The following FRMD4A variants were observed in gnomAD, a reference collection of about 807,000 sequenced individuals.
The protein encoded by FRMD4A is FERM domain containing 4A, also known as FERM domain-containing protein 4A.
FRMD4A carries 29 observed loss-of-function variants against 129.1 expected under a neutral mutation model. The observed-to-expected ratio is 0.22, with a 90% CI of 0.17 to 0.31. The LOEUF is 0.31. FRMD4A is among the 10% of genes least tolerant of loss of function. The pLI, the probability that FRMD4A is intolerant of heterozygous loss-of-function variation, is 1.00. For missense variants in FRMD4A, 1,272 were observed against 1,375.8 expected (o/e 0.92, Z 1.19); for synonymous variants, 634 against 571.6 (o/e 1.11, Z -1.56).
intron 2 of FRMD4A, among the ~76,000 whole-genome samples, chr10:14,080,953 G>A (rs967950065): frequency 2.2e-4 from 33 of 152,024 alleles, no homozygotes; most frequent in Admixed American, 1.6e-3. Context: ...TGGCTCAGAC[G>A]TTGATGGAAC....
intron 12 of FRMD4A, among the ~76,000 whole-genome samples, chr10:13,731,385 A>G (rs2090312727): frequency 6.6e-6 from 1 of 152,194 alleles, no homozygotes; most frequent in South Asian, 2.1e-4. Flanking sequence ...GCAGTGGCTC[A>G]CGCCTGTAAT....
intron 2 of FRMD4A, among the ~76,000 whole-genome samples, chr10:14,004,681 T>A (rs1255086824): frequency 6.6e-6 from 1 of 152,264 alleles, no homozygotes; most frequent in Non-Finnish European, 1.5e-5. Context: ...CTTGCATACA[T>A]TTTTGGTGAT....
At chr10:13,885,441 A>G (rs1056012865) in intron 2 of FRMD4A, among the ~76,000 whole-genome samples, 5 of 152,148 alleles carry the variant, frequency 3.3e-5, no homozygotes, top group African/African-American at 1.2e-4. Context: ...AGGTTGCACC[A>G]CACAGATCCA....
At position 13,663,485 on chromosome 10, in the gene FRMD4A, C is replaced by G; in HGVS notation, c.1628G>C (p.Ser543Thr). Residue 543 changes from serine to threonine, a missense_variant, in exon 19 of 25, where the codon AGC becomes ACC. Around this residue, in one of 2 missense-constraint regions of FRMD4A, gnomAD observed 972 missense variants for 892.3 expected, o/e 1.09. Coordinates refer to ENST00000357447, the MANE Select transcript of FRMD4A (RefSeq NM_018027.5). Reference protein sequence around the residue: ...IDDGNIASEDSSLSDALVLED... With the variant: ...IDDGNIASEDTSLSDALVLED... ...AAGAACAAGGGCATCTGAGAGGGAG[C>G]TGTCTTCACTGGCAATGTTTCCATC... is the stretch of plus-strand genomic sequence containing the variant. 6.4e-7 allele frequency: 1 copy of G among 1,558,536 alleles called. No homozygotes were observed. The highest frequency in any genetic ancestry group is 1.1e-5 in the South Asian group (1 of 89,956).
intron 2 of FRMD4A, among the ~76,000 whole-genome samples, chr10:13,981,154 C>T (rs1371363358): frequency 6.6e-6 from 1 of 152,082 alleles, no homozygotes; most frequent in Non-Finnish European, 1.5e-5. Flanking sequence ...TGTTCTTGAT[C>T]TGTATTTGAC....
At chr10:14,117,747 C>G (rs888521517) in intron 2 of FRMD4A, among the ~76,000 whole-genome samples, 12 of 152,150 alleles carry the variant, frequency 7.9e-5, no homozygotes, top group African/African-American at 2.9e-4. Context: ...TTCTTGTGTA[C>G]CTGTCACGTG....
intron 2 of FRMD4A, among the ~76,000 whole-genome samples, chr10:14,102,282 C>T (rs566489144): frequency 6.6e-6 from 1 of 152,132 alleles, no homozygotes; most frequent in Non-Finnish European, 1.5e-5. Context: ...ATCCCAGTAC[C>T]TCGGGAGGCC....
Position 14,111,711 on chromosome 10 carries a change from C to T in FRMD4A, c.45+218347G>A, listed in dbSNP as rs534329678. Among the ~76,000 whole-genome samples the T allele has an allele frequency of 3.3e-5, 5 of 151,992 alleles. No homozygotes were observed. The East Asian group carries it at 9.7e-4, about 30-fold the overall frequency. On this transcript the variant is annotated intron_variant, in intron 2 of 24. Transcript: ENST00000357447. ...TGTACCAAAAAGAATAAGCCATGATCCTGGCAGGGAGAAATCTTATTGAGA... is the reference window on the plus strand; with the variant it reads ...TGTACCAAAAAGAATAAGCCATGATTCTGGCAGGGAGAAATCTTATTGAGA...
intron 15 of FRMD4A, among the ~76,000 whole-genome samples, chr10:13,687,902 C>T (rs1227228261): frequency 6.6e-6 from 1 of 152,220 alleles, no homozygotes; most frequent in Non-Finnish European, 1.5e-5. Context: ...TCTTCCAACA[C>T]AGGCTTACAG....
chr10:14,178,614 C>A (rs1426411605), intron 2 of FRMD4A, among the ~76,000 whole-genome samples: 3 of 152,072 alleles, frequency 2.0e-5, no homozygotes, highest in African/African-American at 7.2e-5. Flanking sequence ...CAATAAATGT[C>A]CGTGAAGAAT....
chr10:13,972,198 G>A (rs949715607), intron 2 of FRMD4A: 14 of 1,018,206 alleles, frequency 1.4e-5, no homozygotes, highest in South Asian at 8.2e-5. Context: ...AAGCACCACC[G>A]AGTGTTGGGA....
chr10:14,060,366 C>G (rs1405692564), intron 2 of FRMD4A, among the ~76,000 whole-genome samples: 1 of 152,112 alleles, frequency 6.6e-6, no homozygotes, highest in Non-Finnish European at 1.5e-5. Context: ...TAGGGGATAT[C>G]AACTCTATGA....
chr10:13,820,422 C>T (rs1015824262), intron 3 of FRMD4A, among the ~76,000 whole-genome samples: 8 of 152,168 alleles, frequency 5.3e-5, no homozygotes, highest in East Asian at 3.9e-4. Context: ...TGGTCTCAGC[C>T]GACCTTGGGT....
chr10:13,647,106 C>G, intron 24 of FRMD4A, 71 bp from the exon 25 acceptor site: 1 of 218,922 alleles, frequency 4.6e-6, no homozygotes, highest in Non-Finnish European at 7.8e-6. Flanking sequence ...CAGGCCTGCA[C>G]TGAGAAGGAT....
chr10:14,100,628 A>G (rs562010567), intron 2 of FRMD4A, among the ~76,000 whole-genome samples: 2 of 152,244 alleles, frequency 1.3e-5, no homozygotes, highest in Admixed American at 1.3e-4. Flanking sequence ...TGCACAGTGA[A>G]TCAATATGAG....
chr10:13,883,770 G>A lies in FRMD4A; in HGVS notation c.46-24858C>T, dbSNP rs116386568. 1.5e-3 allele frequency among the ~76,000 whole-genome samples: 221 copies of A among 152,218 alleles called. 2 individuals carry two copies. The highest frequency in any genetic ancestry group is 5.2e-3 in the African/African-American group (217 of 41,550). On this transcript the variant is annotated intron_variant, in intron 2 of 24. Coordinates refer to ENST00000357447, the MANE Select transcript of FRMD4A (RefSeq NM_018027.5). ...CTCCATCAAATGACAGACACACTCC[G>A]CCCTGTCTAGGCAAAAGATGGCCAT...
chr10:13,684,336 C>A (rs914976365), intron 15 of FRMD4A: 71 of 985,140 alleles, frequency 7.2e-5, no homozygotes, highest in Non-Finnish European at 8.6e-5. Context: ...GTCAGAAAGT[C>A]ATTTTCGGGG....
chr10:14,171,307 G>T (rs1841464898), intron 2 of FRMD4A, among the ~76,000 whole-genome samples: 1 of 152,070 alleles, frequency 6.6e-6, no homozygotes, highest in African/African-American at 2.4e-5. Context: ...CTGCCAGAAG[G>T]CCAGTTAGAA....
chr10:14,055,742 G>C (rs960033698), intron 2 of FRMD4A, among the ~76,000 whole-genome samples: 4 of 152,208 alleles, frequency 2.6e-5, no homozygotes, highest in African/African-American at 9.7e-5. Flanking sequence ...GGGTACATGA[G>C]ACGTTTTGAT....
Sources: allele counts gnomAD v4.1 joint callset (sites outside exome capture counted in the v4.1 genomes callset), GRCh38; gene constraint gnomAD v4.1.1; regional missense constraint gnomAD v4.1.1; transcripts MANE v1.5; gene names NCBI Gene and HGNC (gene_info 2026-07-23, HGNC 2026-07-21).